The following PECAM1 variants were observed in gnomAD, a reference collection of about 807,000 sequenced individuals.
PECAM1 encodes the protein platelet endothelial cell adhesion molecule.
A neutral mutation model predicts 13.8 loss-of-function variants in PECAM1; 8 were observed. The ratio of observed to expected loss-of-function variants is 0.58; its 90% CI spans 0.34 to 1.05. The LOEUF is 1.05. Ranked by LOEUF, PECAM1 falls within the 50% of genes least tolerant of loss-of-function variation. The probability of loss-of-function intolerance (pLI) is 0.03; values close to 1 mark genes in which losing one functional copy is unlikely to be tolerated. For missense variants in PECAM1, 304 were observed against 141.2 expected, an observed-to-expected ratio of 2.15 and a Z score of -5.84; for synonymous variants, 136 against 52.6, an observed-to-expected ratio of 2.58 and a Z score of -6.86.
chr17:64,323,853 G>C lies in PECAM1; in HGVS notation c.2188-8C>G. The C allele has an allele frequency of 1.2e-6, 1 of 806,042 alleles. No individual in the cohort carries two copies. The allele number at this position is 806,042 out of a possible 1,614,324, so 49.9% of individuals were successfully genotyped here. A position where few individuals can be genotyped will look rare whatever the true frequency, so the allele number is the denominator to read the frequency against. ...AAGGGAGCCTTCCGTTCTCTGTAGCGACAAGAAACAAGGCAAGTTATGATC... is the reference window on the plus strand; with the variant it reads ...AAGGGAGCCTTCCGTTCTCTGTAGCCACAAGAAACAAGGCAAGTTATGATC... On this transcript the variant is annotated splice_region_variant and splice_polypyrimidine_tract_variant and intron_variant, in intron 15 of 15. Transcript: ENST00000563924.
intron 2 of PECAM1, among the ~76,000 whole-genome samples, chr17:64,380,652 A>G (rs1023101195): frequency 6.6e-6 from 1 of 152,248 alleles, no homozygotes; most frequent in Non-Finnish European, 1.5e-5. Flanking sequence ...GACAGATGAC[A>G]TGATATGTAA....
chr17:64,340,497 G>A (rs2035398432), intron 14 of PECAM1, among the ~76,000 whole-genome samples: 1 of 152,082 alleles, frequency 6.6e-6, no homozygotes, highest in Non-Finnish European at 1.5e-5. Flanking sequence ...TACTCACACA[G>A]TCACTATTTC....
intron 14 of PECAM1, among the ~76,000 whole-genome samples, chr17:64,331,152 TC>T (rs1252132032): frequency 6.6e-6 from 1 of 151,388 alleles, no homozygotes; most frequent in Non-Finnish European, 1.5e-5. Flanking sequence ...TGTTTCCCCT[TC>T]CCCTCAGGAG....
intron 15 of PECAM1, among the ~76,000 whole-genome samples, chr17:64,324,246 G>A (rs8068012): frequency 0.025 from 3,878 of 152,228 alleles, 178 homozygotes; most frequent in African/African-American, 0.088. Flanking sequence ...TGTCAGGAAC[G>A]TCTTAAGACC....
Position 64,337,109 on chromosome 17 carries a change from G to C in PECAM1, c.2164+4525C>G, listed in dbSNP as rs909534449. On this transcript the variant is annotated intron_variant, in intron 14 of 15. Coordinates refer to ENST00000563924, the MANE Select transcript of PECAM1 (RefSeq NM_000442.5). ...GGAAACCCCTTGGCTTCCAGGACCAGAGGCTTCCAGGTGGGTTGGAGGCAC... is the reference window on the plus strand; with the variant it reads ...GGAAACCCCTTGGCTTCCAGGACCACAGGCTTCCAGGTGGGTTGGAGGCAC... 3.5e-4 allele frequency among the ~76,000 whole-genome samples: 53 copies of C among 152,344 alleles called. 1 individual carries two copies. The South Asian group carries it at 0.011, about 32-fold the overall frequency.
rs1215552911 is a variant in PECAM1 at position 64,320,755 on chromosome 17, G to A, written c.*3061C>T. The A allele has an allele frequency of 1.3e-5, 2 of 152,296 alleles. No individual in the cohort carries two copies. Among genetic ancestry groups the A allele is most frequent in the East Asian group, 3.8e-4 (2 of 5,206 alleles). 9.4% of individuals were successfully genotyped at this position (152,296 alleles called of 1,614,324 possible). On this transcript the variant is annotated 3_prime_UTR_variant, in exon 16 of 16. Transcript: ENST00000563924. Reference sequence around the variant, plus strand: ...CAGCGTCAGGAACACAGAGCATGATGAGCACAAGCTTGTTGAGCAAACAGA... The same window carrying A: ...CAGCGTCAGGAACACAGAGCATGATAAGCACAAGCTTGTTGAGCAAACAGA...
At chr17:64,346,522 G>T (rs1027341657) in intron 13 of PECAM1, among the ~76,000 whole-genome samples, 2 of 152,092 alleles carry the variant, frequency 1.3e-5, no homozygotes, top group Non-Finnish European at 2.9e-5. Flanking sequence ...TTTTAGTAGA[G>T]ACAGGGTTTC....
At chr17:64,360,092 A>G (rs2035939132) in intron 7 of PECAM1, 48 bp downstream of exon 7, 2 of 475,112 alleles carry the variant, frequency 4.2e-6, no homozygotes. Flanking sequence ...TGGGCGTGAA[A>G]GAATGCCCCA....
At chr17:64,326,701 G>A (rs77571152) in intron 15 of PECAM1, among the ~76,000 whole-genome samples, 1 of 152,194 alleles carries the variant, frequency 6.6e-6, no homozygotes, top group Non-Finnish European at 1.5e-5. Flanking sequence ...GACAGGAAGG[G>A]CTGGGCCACA....
intron 13 of PECAM1, among the ~76,000 whole-genome samples, chr17:64,342,189 C>G (rs1468798726): frequency 6.7e-6 from 1 of 149,760 alleles, no homozygotes; most frequent in Admixed American, 6.6e-5. Context: ...CTTGGTCTAA[C>G]GAGCGTCACT....
In PECAM1 at chr17:64,322,072, T is replaced by C; in HGVS notation, c.*1744A>G. 1.7e-6 allele frequency: 2 copies of C among 1,144,662 alleles called. No homozygotes were observed. The highest frequency in any genetic ancestry group is 2.2e-6 in the Non-Finnish European group (2 of 911,344). The allele number at this position is 1,144,662 out of a possible 1,614,324, so 70.9% of individuals were successfully genotyped here. A position where few individuals can be genotyped will look rare whatever the true frequency, so the allele number is the denominator to read the frequency against. The stretch of plus-strand genomic sequence containing the variant: ...AAAGGAACCAACAGCTTTCATCATA[T>C]TGTCAAAAGAGTCTAGGCTGGGCAT... On this transcript the variant is annotated 3_prime_UTR_variant, in exon 16 of 16. Coordinates refer to ENST00000563924, the MANE Select transcript of PECAM1 (RefSeq NM_000442.5).
At chr17:64,351,905 T>G (rs1244564554) in intron 11 of PECAM1, among the ~76,000 whole-genome samples, 2 of 152,244 alleles carry the variant, frequency 1.3e-5, no homozygotes, top group Non-Finnish European at 2.9e-5. Context: ...AAGCTACTGA[T>G]GAGCCTTATG....
At chr17:64,341,279 G>A (rs916077035) in intron 14 of PECAM1, among the ~76,000 whole-genome samples, 19 of 151,398 alleles carry the variant, frequency 1.3e-4, no homozygotes, top group African/African-American at 3.9e-4. Flanking sequence ...AAAAAAAAGA[G>A]AAAAAAGAAA....
intron 13 of PECAM1, among the ~76,000 whole-genome samples, chr17:64,348,030 CTTTTCTTT>C (rs2035624953): frequency 6.6e-6 from 1 of 152,046 alleles, no homozygotes. Flanking sequence ...AGTGCCTGGC[CTTTTCTTT>C]TTTTCTTTTA....
At chr17:64,374,122 G>A (rs1598046754) in intron 4 of PECAM1, among the ~76,000 whole-genome samples, 1 of 152,108 alleles carries the variant, frequency 6.6e-6, no homozygotes, top group Non-Finnish European at 1.5e-5. Flanking sequence ...TCTGACCCTC[G>A]ATGGCTTAAA....
intron 13 of PECAM1, among the ~76,000 whole-genome samples, chr17:64,345,015 C>T (rs1162169382): frequency 1.3e-5 from 2 of 152,154 alleles, no homozygotes; most frequent in Non-Finnish European, 2.9e-5. Context: ...TCGATACCTC[C>T]TTATTTTTAA....
At chr17:64,336,761 G>A in intron 14 of PECAM1, among the ~76,000 whole-genome samples, 1 of 152,048 alleles carries the variant, frequency 6.6e-6, no homozygotes, top group East Asian at 1.9e-4. Flanking sequence ...CAGAGGCTGA[G>A]GCGGGAGGAT....
At chr17:64,332,390 A>G (rs2035148448) in intron 14 of PECAM1, among the ~76,000 whole-genome samples, 2 of 152,176 alleles carry the variant, frequency 1.3e-5, no homozygotes, top group African/African-American at 2.4e-5. Context: ...AAGAACCTCA[A>G]GTAGGCATTT....
At chr17:64,357,894 G>A (rs1383764759) in intron 7 of PECAM1, among the ~76,000 whole-genome samples, 2 of 152,024 alleles carry the variant, frequency 1.3e-5, no homozygotes, top group East Asian at 3.9e-4. Context: ...CCTGCTCCCT[G>A]ACCCAGCCAC....
Sources: gnomAD v4.1 joint callset for allele counts (sites outside exome capture counted in the v4.1 genomes callset) on GRCh38, gnomAD v4.1.1 for gene constraint, MANE v1.5 for transcripts, NCBI Gene and HGNC (gene_info 2026-07-23, HGNC 2026-07-21) for gene names.